The following GRM6 variants were observed in gnomAD, a reference collection of about 807,000 sequenced individuals.
The protein encoded by GRM6 is glutamate metabotropic receptor 6.
In GRM6, 73 loss-of-function variants were observed where a neutral mutation model predicts 78.4. That is an observed-to-expected ratio of 0.93 (90% CI 0.77 to 1.13). GRM6 has a LOEUF of 1.13. GRM6 is among the 50% of genes most tolerant of loss of function. The pLI, the probability that GRM6 is intolerant of heterozygous loss-of-function variation, is 0.00. For missense variants in GRM6, 1,251 were observed against 1,256.4 expected (o/e 1.00, Z 0.07); for synonymous variants, 580 against 555.0 (o/e 1.05, Z -0.63).
Position 178,991,938 on chromosome 5 carries a change from GAC to G in GRM6, c.648_649del (p.Ser217HisfsTer14). On this transcript the variant is annotated frameshift_variant, in exon 3 of 11. Coordinates refer to ENST00000517717, the MANE Select transcript of GRM6 (RefSeq NM_000843.4). LOFTEE classifies it high-confidence loss of function. This position sits in a 1 kb window ranked among gnomAD's most constrained non-coding sequence, Gnocchi z 5.0. ...ATAGTTGCCCTCGGAGGCCAGCGTG[GAC>G]ACATAGTTCCATCCCAGTGCCCTCA... is the stretch of plus-strand genomic sequence containing the variant. The G allele has an allele frequency of 8.7e-6, 14 of 1,614,138 alleles. No individual in the cohort carries two copies. Among genetic ancestry groups the G allele is most frequent in the Non-Finnish European group, 1.2e-5 (14 of 1,180,020 alleles).
At position 178,990,761 on chromosome 5, in the gene GRM6, G is replaced by A. The variant is rs1272430470; in HGVS notation, c.858-15C>T. 1 of 1,554,060 alleles carries A rather than the reference G, an allele frequency of 6.4e-7. No homozygotes were observed. The highest frequency in any genetic ancestry group is 8.7e-7 in the Non-Finnish European group (1 of 1,148,970). ...CCAGGACCCGCCTGGTAGGAGCAGGGCTGGGGTGAGGGAGGGCCTGGGAGC... is the reference window on the plus strand; with the variant it reads ...CCAGGACCCGCCTGGTAGGAGCAGGACTGGGGTGAGGGAGGGCCTGGGAGC... On this transcript the variant is annotated splice_polypyrimidine_tract_variant and intron_variant, in intron 4 of 10. Transcript: ENST00000517717.
Position 178,991,408 on chromosome 5 carries a change from T to C in GRM6, c.857+16A>G, listed in dbSNP as rs1760668936. The C allele has an allele frequency of 6.2e-7, 1 of 1,613,206 alleles. No homozygotes were observed. The highest frequency in any genetic ancestry group is 8.5e-7 in the Non-Finnish European group (1 of 1,179,324). On this transcript the variant is annotated intron_variant, in intron 4 of 10. Transcript: ENST00000517717. This position sits in a 1 kb window ranked among gnomAD's most constrained non-coding sequence, Gnocchi z 5.0. ...GGGAGAGCCCCAGGGGCCCGGTGAT[T>C]GTGCCACTGTCCCACCTGATGTCAT...
At chr5:178,983,564 C>T (rs773699752) in intron 9 of GRM6, 315 of 472,920 alleles carry the variant, frequency 6.7e-4, no homozygotes, top group Non-Finnish European at 4.8e-4. Flanking sequence ...TTTACTGCGC[C>T]CCTTCAAGGT....
chr5:178,986,635 C>T lies in GRM6; in HGVS notation c.1619G>A (p.Cys540Tyr), dbSNP rs745379277. 3.1e-6 allele frequency: 5 copies of T among 1,602,652 alleles called. No homozygotes were observed. Among genetic ancestry groups the T allele is most frequent in the Non-Finnish European group, 4.2e-6 (5 of 1,179,904 alleles). Residue 540 changes from cysteine to tyrosine, a missense_variant, in exon 9 of 11, where the codon TGC (cysteine) becomes TAC (tyrosine). Transcript: ENST00000517717. ...MVKGVPCCWH[C>Y]EACDGYRFQV... ...GAAGCGGTACCCGTCACAGGCCTCG[C>T]AGTGCCAACAGCAGGGGACGCCCTT... is the stretch of plus-strand genomic sequence containing the variant.
chr5:178,983,584 T>C (rs117721397), intron 9 of GRM6: 18,902 of 427,166 alleles, frequency 0.044, 677 homozygotes, highest in East Asian at 0.14. Context: ...TAGATGGATG[T>C]GGCCGGAAGC....
chr5:178,984,446 AT>A (rs1561715977), intron 9 of GRM6, among the ~76,000 whole-genome samples: 1 of 152,206 alleles, frequency 6.6e-6, no homozygotes, highest in East Asian at 1.9e-4. Context: ...GCAGCCCGTC[AT>A]GACGTGGTAG....
rs1374056681 is a variant in GRM6 at position 178,994,681 on chromosome 5, G to A, written c.264C>T (p.Gly88=). ...CCAGCAGCCGCGCGCCCAGGCGCACGCCGGGCAGCAGCTCGGGGTCGGCGT... is the reference window on the plus strand; with the variant it reads ...CCAGCAGCCGCGCGCCCAGGCGCACACCGGGCAGCAGCTCGGGGTCGGCGT... ...RVNADPELLP[G]VRLGARLLDT... is the part of the protein sequence containing the mutation. Residue 88 remains glycine (G), a synonymous_variant, in exon 2 of 11, where the codon GGC becomes GGT. Coordinates refer to ENST00000517717, the MANE Select transcript of GRM6 (RefSeq NM_000843.4). The A allele has an allele frequency of 4.8e-6, 7 of 1,468,794 alleles. No homozygotes were observed. Among genetic ancestry groups the A allele is most frequent in the Non-Finnish European group, 5.4e-6 (6 of 1,113,250 alleles). The allele number at this position is 1,468,794 out of a possible 1,614,324, so 91.0% of individuals were successfully genotyped here.
Position 178,994,795 on chromosome 5 carries a change from C to A in GRM6, c.150G>T (p.Arg50=). The A allele has an allele frequency of 3.0e-6, 4 of 1,314,300 alleles. No individual in the cohort carries two copies. The highest frequency in any genetic ancestry group is 3.8e-5 in the South Asian group (2 of 53,220). 81.4% of individuals were successfully genotyped at this position (1,314,300 alleles called of 1,614,324 possible). ...GCCCGCACGCCCGGCCCGCCGCGCC[C>A]CGCGCGTGCACCGGGAACAGGCCGC... ...TLGGLFPVHA[R]GAAGRACGQL... The change falls in exon 2 of 11, where the codon CGG becomes CGT. Residue 50 remains arginine (R), a synonymous_variant. Coordinates refer to ENST00000517717, the MANE Select transcript of GRM6 (RefSeq NM_000843.4).
At chr5:178,990,555 A>G (rs941821268) in intron 5 of GRM6, 37 bp downstream of exon 5, 13 of 1,557,642 alleles carry the variant, frequency 8.3e-6, no homozygotes, top group Middle Eastern at 1.7e-4. Flanking sequence ...TGCTGGGGAG[A>G]CGTGTGGGGT....
In GRM6 at chr5:178,994,836, C is replaced by T. The variant is rs1299549219; in HGVS notation, c.109G>A (p.Gly37Ser). 3 of 1,228,380 alleles carry T rather than the reference C, an allele frequency of 2.4e-6. No individual in the cohort carries two copies. Among genetic ancestry groups the T allele is most frequent in the Non-Finnish European group, 3.0e-6 (3 of 986,092 alleles). 76.1% of individuals were successfully genotyped at this position (1,228,380 alleles called of 1,614,324 possible). Residue 37 changes from glycine (G) to serine (S), a missense_variant, in exon 2 of 11, where the codon GGC becomes AGC. Transcript: ENST00000517717. Reference sequence around the variant, plus strand: ...AACAGGCCGCCCAGCGTCAGGCCGCCCGCCAGGCGCACAGAGCCCGCCGCG... The same window carrying T: ...AACAGGCCGCCCAGCGTCAGGCCGCTCGCCAGGCGCACAGAGCCCGCCGCG... ...ARAAGSVRLA[G>S]GLTLGGLFPV...
intron 9 of GRM6, chr5:178,985,638 G>T (rs765961915): frequency 2.9e-5 from 11 of 377,482 alleles, no homozygotes; most frequent in South Asian, 9.8e-5. Flanking sequence ...GGAAGGCAGA[G>T]CTTGCAGGGA....
rs1040793925 is a variant in GRM6, at chr5:178,988,473, G to A, written c.1354+462C>T. The stretch of plus-strand genomic sequence containing the variant: ...GGGTCTCCTCAGAAGACACAGTTTT[G>A]AGCCCTGACCACACACCAAGCCTGG... On this transcript the variant is annotated intron_variant, in intron 7 of 10. Coordinates refer to ENST00000517717, the MANE Select transcript of GRM6 (RefSeq NM_000843.4). The surrounding 1 kb of genome is among the most constrained non-coding windows in gnomAD (Gnocchi z 6.0). Among the ~76,000 whole-genome samples, 11 of 152,192 alleles carry A rather than the reference G, an allele frequency of 7.2e-5. No homozygotes were observed. The highest frequency in any genetic ancestry group is 5.9e-4 in the Admixed American group (9 of 15,280).
intron 9 of GRM6, 125 bp downstream of exon 9, chr5:178,986,005 A>AC: frequency 2.3e-6 from 2 of 856,258 alleles, no homozygotes; most frequent in Admixed American, 5.3e-5. Context: ...CAGGTGATCC[A>AC]CCCACCTCAG....
rs753889215 is a variant in GRM6, at chr5:178,990,726, C to T, written c.878G>A (p.Arg293His). 22 of 1,575,098 alleles carry T rather than the reference C, an allele frequency of 1.4e-5. No individual in the cohort carries two copies. The highest frequency in any genetic ancestry group is 1.5e-5 in the Non-Finnish European group (18 of 1,161,466). ...DDIRRVLEAARQANLTGHFLW... is the reference protein window; with the variant it reads ...DDIRRVLEAAHQANLTGHFLW... ...GAAGTGGCCGGTCAGGTTGGCCTGGCGAGCTGCCTCCAGGACCCGCCTGGT... is the reference window on the plus strand; with the variant it reads ...GAAGTGGCCGGTCAGGTTGGCCTGGTGAGCTGCCTCCAGGACCCGCCTGGT... Residue 293 changes from arginine (R) to histidine (H), a missense_variant, in exon 5 of 11, where the codon CGC becomes CAC. Physicochemically the swap from Arg to His is conservative, Grantham distance 29. Coordinates refer to ENST00000517717, the MANE Select transcript of GRM6 (RefSeq NM_000843.4).
intron 5 of GRM6, 126 bp downstream of exon 5, chr5:178,990,466 G>C (rs1760649877): frequency 3.6e-6 from 3 of 829,714 alleles, no homozygotes; most frequent in African/African-American, 3.3e-5. Flanking sequence ...CGGACTCATA[G>C]GATCTGGGGA....
Position 178,992,010 on chromosome 5 carries a change from AC to A in GRM6, c.577del (p.Val193TrpfsTer16), listed in dbSNP as rs781463257. On this transcript the variant is annotated frameshift_variant, in exon 3 of 11. Transcript: ENST00000517717. LOFTEE classifies it high-confidence loss of function. This position sits in a 1 kb window ranked among gnomAD's most constrained non-coding sequence, Gnocchi z 4.9. ...DSTRYDFFSR[V>X]VPPDSYQAQA... ...CGCCTGGTAGGAGTCGGGTGGCACC[AC>A]CCGGGAGAAGAAGTCATAGCGTGTG... 16 of 1,613,908 alleles carry A rather than the reference AC, an allele frequency of 9.9e-6. 1 individual carries two copies. In the South Asian group the frequency reaches 1.6e-4, roughly 17 times the overall value.
chr5:178,995,309 G>T lies in GRM6; in HGVS notation c.-50C>A. 6.5e-6 allele frequency: 1 copy of T among 154,062 alleles called. No homozygotes were observed. The highest frequency in any genetic ancestry group is 1.4e-5 in the Non-Finnish European group (1 of 69,264). The allele number at this position is 154,062 out of a possible 1,614,324, so 9.5% of individuals were successfully genotyped here. A position where few individuals can be genotyped will look rare whatever the true frequency, so the allele number is the denominator to read the frequency against. The stretch of plus-strand genomic sequence containing the variant: ...GCCGCTGTCGGTTCAGGACAAGTCT[G>T]TGACAGATGCGGCCGAGGCCCTGAG... On this transcript the variant is annotated 5_prime_UTR_variant, in exon 1 of 11. Transcript: ENST00000517717.
In GRM6 at chr5:178,986,584, G is replaced by C; in HGVS notation, c.1670C>G (p.Ala557Gly). The part of the protein sequence containing the change: ...RFQVDEFTCE[A>G]CPGDMRPTPN... ...CGTGGGCCTCATGTCCCCAGGACAGGCCTCGCATGTGAACTCGTCCACCTG... is the reference window on the plus strand; with the variant it reads ...CGTGGGCCTCATGTCCCCAGGACAGCCCTCGCATGTGAACTCGTCCACCTG... Residue 557 changes from alanine (A) to glycine (G), a missense_variant, in exon 9 of 11, where the codon GCC becomes GGC. By Grantham distance (60) the Ala-to-Gly change is moderately conservative. Transcript: ENST00000517717. 6.2e-7 allele frequency: 1 copy of C among 1,606,578 alleles called. No individual in the cohort carries two copies. The highest frequency in any genetic ancestry group is 1.6e-4 in the Middle Eastern group (1 of 6,062).
intron 10 of GRM6, 45 bp downstream of exon 10, chr5:178,982,865 G>T: frequency 7.2e-7 from 1 of 1,380,054 alleles, no homozygotes; most frequent in Non-Finnish European, 1.0e-6. Flanking sequence ...CGACCAGCCT[G>T]ACAGGCAGGA....
Sources: gnomAD v4.1 joint callset for allele counts (sites outside exome capture counted in the v4.1 genomes callset) on GRCh38, gnomAD v4.1.1 for gene constraint, Gnocchi (gnomAD v3.1) non-coding constraint, MANE v1.5 for transcripts, NCBI Gene and HGNC (gene_info 2026-07-23, HGNC 2026-07-21) for gene names.